The following SLC11A2 variants were observed in gnomAD, a reference collection of about 807,000 sequenced individuals.
SLC11A2 encodes solute carrier family 11 member 2, also known as natural resistance-associated macrophage protein 2.
SLC11A2 carries 38 observed loss-of-function variants against 68.0 expected under a neutral mutation model. That is an observed-to-expected ratio of 0.56 (90% confidence interval 0.43 to 0.73). SLC11A2 has a LOEUF of 0.73. SLC11A2 is among the 30% of genes least tolerant of loss of function. The probability of loss-of-function intolerance (pLI) is 0.00; values close to 1 mark genes in which losing one functional copy is unlikely to be tolerated. For synonymous variants in SLC11A2, 242 were observed against 250.6 expected (o/e 0.97, Z 0.32); for missense variants, 517 against 690.5 (o/e 0.75, Z 2.82).
the SLC11A2 span, chr12:50,961,177 G>A: frequency 4.3e-6 from 6 of 1,402,328 alleles, no homozygotes; most frequent in Non-Finnish European, 5.9e-6. Flanking sequence ...ATTCATAGTA[G>A]AAGATGAATG....
At chr12:50,979,488 C>A, downstream of SLC11A2, 1 of 165,472 alleles carries the variant, frequency 6.0e-6, no homozygotes, top group Non-Finnish European at 1.3e-5. Context: ...AGAAATAAAA[C>A]CACCCAGGGA....
downstream of SLC11A2, among the ~76,000 whole-genome samples, chr12:50,982,203 C>A (rs1387730021): frequency 2.0e-5 from 3 of 152,188 alleles, no homozygotes; most frequent in Non-Finnish European, 4.4e-5. Context: ...TCCTTTGGCA[C>A]TGGAGCAGAG....
chr12:50,966,914 G>A, the SLC11A2 span, among the ~76,000 whole-genome samples: 70 of 152,160 alleles, frequency 4.6e-4, no homozygotes, highest in South Asian at 3.5e-3. Flanking sequence ...TCAGGAGTTC[G>A]AGAACAGCCT....
intron 8 of SLC11A2, 29 bp downstream of exon 8, chr12:50,999,145 G>A: frequency 6.6e-7 from 1 of 1,509,210 alleles, no homozygotes; most frequent in African/African-American, 1.4e-5. Flanking sequence ...CTTATTTTAA[G>A]AAGCTAATGA....
the SLC11A2 span, among the ~76,000 whole-genome samples, chr12:50,963,685 A>C: frequency 2.6e-5 from 4 of 152,290 alleles, no homozygotes; most frequent in South Asian, 8.3e-4. Context: ...GAGAAGCAAA[A>C]CTGTACCGCA....
downstream of SLC11A2, chr12:50,979,979 A>C (rs1378076044): frequency 1.3e-5 from 6 of 453,776 alleles, no homozygotes; most frequent in Non-Finnish European, 2.6e-5. Context: ...TAATCTCAGC[A>C]CTTTGGGAGG....
chr12:50,999,819 C>A (rs1160600613), intron 6 of SLC11A2, among the ~76,000 whole-genome samples: 1 of 151,854 alleles, frequency 6.6e-6, no homozygotes, highest in Admixed American at 6.6e-5. Flanking sequence ...ACCAGCCTGG[C>A]CAACATGGTG....
At position 51,005,621 on chromosome 12, in the gene SLC11A2, C is replaced by T. The variant is rs796694737; in HGVS notation, c.184-185G>A. On this transcript the variant is annotated intron_variant, in intron 3 of 15. Transcript: ENST00000262052. ...CCACTTTTTATTAAGAAGCTGGCCA[C>T]TTCTCTGTCCAAGTCAAAGCTCTTC... is the stretch of plus-strand genomic sequence containing the variant. The T allele has an allele frequency of 4.2e-6, 6 of 1,419,436 alleles. No individual in the cohort carries two copies. The South Asian group carries it at 4.9e-5, about 12-fold the overall frequency. 87.9% of individuals were successfully genotyped at this position (1,419,436 alleles called of 1,614,324 possible).
chr12:51,008,723 T>A, intron 2 of SLC11A2, 99 bp from the exon 3 acceptor site: 2 of 950,832 alleles, frequency 2.1e-6, no homozygotes, highest in Non-Finnish European at 3.3e-6. Context: ...AATATCTAAA[T>A]GCACAAGAGA....
chr12:50,952,711 G>A, the SLC11A2 span, among the ~76,000 whole-genome samples: 4 of 152,186 alleles, frequency 2.6e-5, no homozygotes, highest in African/African-American at 7.2e-5. Flanking sequence ...TGGCCTTACC[G>A]CCAGGTGAGC....
At chr12:50,973,681 G>A in the SLC11A2 span, among the ~76,000 whole-genome samples, 5 of 151,988 alleles carry the variant, frequency 3.3e-5, no homozygotes, top group Non-Finnish European at 5.9e-5. Context: ...ACAGATGATC[G>A]AATTTCTCCG....
At chr12:50,963,702 T>A in the SLC11A2 span, among the ~76,000 whole-genome samples, 1 of 152,192 alleles carries the variant, frequency 6.6e-6, no homozygotes, top group African/African-American at 2.4e-5. Flanking sequence ...CGCAACAGTG[T>A]CTTCCAGACA....
rs1940655090 is a variant in SLC11A2, at chr12:50,987,112, T to C, written c.*1213A>G. The C allele has an allele frequency of 7.8e-7, 1 of 1,284,828 alleles. No individual in the cohort carries two copies. Among genetic ancestry groups the C allele is most frequent in the Non-Finnish European group, 1.0e-6 (1 of 987,792 alleles). 79.6% of individuals were successfully genotyped at this position (1,284,828 alleles called of 1,614,324 possible). ...GGCTGAAGTAAAAGCAGCAGCTTTG[T>C]GCTGAAGACACCCATTTCCTCTGAC... On this transcript the variant is annotated 3_prime_UTR_variant, in exon 16 of 16. Coordinates refer to ENST00000262052, the MANE Select transcript of SLC11A2 (RefSeq NM_000617.3).
downstream of SLC11A2, among the ~76,000 whole-genome samples, chr12:50,983,373 A>G (rs1169222063): frequency 6.6e-6 from 1 of 152,224 alleles, no homozygotes; most frequent in Non-Finnish European, 1.5e-5. Context: ...TGCAGAATGC[A>G]GACTATAAAT....
At chr12:51,020,669 T>C (rs1269411434) in intron 1 of SLC11A2, among the ~76,000 whole-genome samples, 1 of 152,184 alleles carries the variant, frequency 6.6e-6, no homozygotes, top group African/African-American at 2.4e-5. Flanking sequence ...TCCACATTTG[T>C]GGTTTCAAAC....
the SLC11A2 span, among the ~76,000 whole-genome samples, chr12:50,973,218 T>C: frequency 2.6e-5 from 4 of 152,106 alleles, no homozygotes; most frequent in African/African-American, 9.7e-5. Flanking sequence ...GACCCCCAAG[T>C]AGCCTAACTG....
the SLC11A2 span, chr12:50,970,515 T>C: frequency 6.7e-6 from 10 of 1,498,830 alleles, no homozygotes; most frequent in East Asian, 2.2e-4. Flanking sequence ...GAAGCTTACA[T>C]GCTGGAAGCA....
chr12:50,956,483 G>A, the SLC11A2 span, among the ~76,000 whole-genome samples: 1 of 152,314 alleles, frequency 6.6e-6, no homozygotes, highest in East Asian at 1.9e-4. Flanking sequence ...CTACAGGATG[G>A]AGGGTCCTAT....
chr12:50,981,708 A>C, downstream of SLC11A2: 1 of 1,493,904 alleles, frequency 6.7e-7, no homozygotes, highest in Non-Finnish European at 9.0e-7. Flanking sequence ...GTTCTTATAG[A>C]GTCTCTCAGG....
Sources: gnomAD v4.1 joint callset for allele counts (sites outside exome capture counted in the v4.1 genomes callset) on GRCh38, gnomAD v4.1.1 for gene constraint, MANE v1.5 for transcripts, NCBI Gene and HGNC (gene_info 2026-07-23, HGNC 2026-07-21) for gene names.